MYO5B: variants seen among roughly 807,000 people sequenced by gnomAD.
The protein encoded by MYO5B is myosin VB, also known as unconventional myosin-Vb.
A neutral mutation model predicts 229.3 loss-of-function variants in MYO5B; 143 were observed. The observed-to-expected ratio is 0.62, with a 90% CI of 0.54 to 0.72. The LOEUF (loss-of-function observed/expected upper bound fraction) is 0.72, where lower values mean the gene tolerates loss of function less well. Among genes scored for constraint, MYO5B ranks in the 30% least tolerant of loss-of-function variants. MYO5B has a pLI of 0.00. For missense variants in MYO5B, 2,321 were observed against 2,331.0 expected, an observed-to-expected ratio of 1.00 and a Z score of 0.09; for synonymous variants, 918 against 885.2, an observed-to-expected ratio of 1.04 and a Z score of -0.66.
At chr18:49,885,965 G>T (rs1415374789) in intron 22 of MYO5B, among the ~76,000 whole-genome samples, 1 of 152,052 alleles carries the variant, frequency 6.6e-6, no homozygotes, top group Non-Finnish European at 1.5e-5. Context: ...TTGAGACAAG[G>T]TCTCACCCTG....
rs796115232 is a variant in MYO5B, at chr18:49,823,825, C to A, written c.*2646G>T. ...TACATTCACATTTACTATAAGTAAACAGGTCCCGTATAATACTTAAAACAC... is the reference window on the plus strand; with the variant it reads ...TACATTCACATTTACTATAAGTAAAAAGGTCCCGTATAATACTTAAAACAC... On this transcript the variant is annotated 3_prime_UTR_variant, in exon 40 of 40. Transcript: ENST00000285039. 6.6e-6 allele frequency: 1 copy of A among 151,598 alleles called. No homozygotes were observed. The highest frequency in any genetic ancestry group is 1.5e-5 in the Non-Finnish European group (1 of 67,512). The allele number at this position is 151,598 out of a possible 1,614,324, so 9.4% of individuals were successfully genotyped here.
chr18:50,085,570 T>C (rs1029959461), intron 1 of MYO5B, among the ~76,000 whole-genome samples: 2 of 152,154 alleles, frequency 1.3e-5, no homozygotes, highest in Non-Finnish European at 2.9e-5. Flanking sequence ...ACTGGGTATA[T>C]ACCCAAAGGA....
At chr18:50,081,161 T>C (rs2031210856) in intron 1 of MYO5B, among the ~76,000 whole-genome samples, 1 of 152,128 alleles carries the variant, frequency 6.6e-6, no homozygotes, top group Admixed American at 6.5e-5. Flanking sequence ...CTCCTAAGGT[T>C]GACAAAGCCT....
chr18:49,935,493 T>C (rs2025239488), intron 16 of MYO5B, among the ~76,000 whole-genome samples: 1 of 152,222 alleles, frequency 6.6e-6, no homozygotes. Flanking sequence ...GGAAATGTTA[T>C]GCCTCTTACT....
At chr18:50,033,010 T>C (rs1258470192) in intron 4 of MYO5B, among the ~76,000 whole-genome samples, 1 of 152,128 alleles carries the variant, frequency 6.6e-6, no homozygotes, top group Non-Finnish European at 1.5e-5. Flanking sequence ...GTGTTTTCAT[T>C]TCTCTTGGGT....
intron 1 of MYO5B, among the ~76,000 whole-genome samples, chr18:50,146,177 A>G (rs1175981557): frequency 6.6e-6 from 1 of 152,220 alleles, no homozygotes. Flanking sequence ...TTGATGGGCC[A>G]GGGGTCAAGA....
At chr18:50,174,348 C>T (rs990002949) in intron 1 of MYO5B, among the ~76,000 whole-genome samples, 1 of 151,528 alleles carries the variant, frequency 6.6e-6, no homozygotes, top group African/African-American at 2.4e-5. Context: ...CTCTCACTCC[C>T]ATCAGCCCCC....
intron 30 of MYO5B, among the ~76,000 whole-genome samples, chr18:49,855,706 T>G (rs2024254347): frequency 6.6e-6 from 1 of 152,330 alleles, no homozygotes; most frequent in East Asian, 1.9e-4. Context: ...AGACCCACCA[T>G]GTCACCTTGC....
intron 1 of MYO5B, 102 bp downstream of exon 1, chr18:50,194,665 C>T: frequency 1.2e-6 from 1 of 804,282 alleles, no homozygotes; most frequent in Non-Finnish European, 2.0e-6. Context: ...TCTCCCGTCA[C>T]CTCCCGCCTC....
rs572660431 is a variant in MYO5B at position 50,015,522 on chromosome 18, T to A, written c.456-14111A>T. ...ATTTGTAAAATCCCAAAAGGTGAAA[T>A]TTTTTAAGTGTTCTTTAGTATTTCA... On this transcript the variant is annotated intron_variant, in intron 4 of 39. Coordinates refer to ENST00000285039, the MANE Select transcript of MYO5B (RefSeq NM_001080467.3). Among the ~76,000 whole-genome samples, 29 of 152,272 alleles carry A rather than the reference T, an allele frequency of 1.9e-4. No individual in the cohort carries two copies. In the South Asian group the frequency reaches 5.6e-3, roughly 29 times the overall value.
intron 3 of MYO5B, 83 bp downstream of exon 3, chr18:50,040,060 G>A (rs2029963854): frequency 2.8e-6 from 4 of 1,406,706 alleles, no homozygotes; most frequent in Admixed American, 1.7e-5. Flanking sequence ...GTGAAATGAG[G>A]ACTCCTAAGC....
chr18:49,913,723 G>A (rs903284777), intron 17 of MYO5B, among the ~76,000 whole-genome samples: 2 of 152,164 alleles, frequency 1.3e-5, no homozygotes, highest in African/African-American at 4.8e-5. Context: ...TCCTGTTTTT[G>A]CAACCAAAAA....
chr18:49,851,708 C>G (rs370871886), intron 31 of MYO5B, among the ~76,000 whole-genome samples: 25 of 152,136 alleles, frequency 1.6e-4, no homozygotes, highest in African/African-American at 5.8e-4. Context: ...ACTCCAGCCT[C>G]AAGCCATTTC....
At chr18:49,836,497 A>G (rs550289012) in intron 38 of MYO5B, among the ~76,000 whole-genome samples, 57 of 152,336 alleles carry the variant, frequency 3.7e-4, no homozygotes, top group Admixed American at 3.0e-3. Flanking sequence ...GAGAGTTACT[A>G]GAAAACAGTA....
chr18:50,102,117 G>A lies in MYO5B; in HGVS notation c.28-46739C>T, dbSNP rs546342323. ...TTGCGTCCTTGGATGGTTCAAACTG[G>A]AAGCCATCATTCTCAGCACACTAAC... On this transcript the variant is annotated intron_variant, in intron 1 of 39. Coordinates refer to ENST00000285039, the MANE Select transcript of MYO5B (RefSeq NM_001080467.3). Among the ~76,000 whole-genome samples, 8 of 152,244 alleles carry A rather than the reference G, an allele frequency of 5.3e-5. No individual in the cohort carries two copies. In the South Asian group the frequency reaches 1.7e-3, roughly 32 times the overall value.
chr18:49,997,365 C>CTT (rs2026000325), intron 5 of MYO5B, among the ~76,000 whole-genome samples: 1 of 97,574 alleles, frequency 1.0e-5, no homozygotes, highest in African/African-American at 4.0e-5. Flanking sequence ...AGCCTCCTTT[C>CTT]TTTCTTTTTT....
At chr18:49,972,452 A>G (rs1401803395) in intron 10 of MYO5B, among the ~76,000 whole-genome samples, 4 of 152,184 alleles carry the variant, frequency 2.6e-5, no homozygotes, top group African/African-American at 4.8e-5. Context: ...TAGAAATACA[A>G]CAGAACTGAG....
At chr18:50,010,277 G>A (rs1318264463) in intron 4 of MYO5B, among the ~76,000 whole-genome samples, 2 of 152,176 alleles carry the variant, frequency 1.3e-5, no homozygotes, top group Non-Finnish European at 2.9e-5. Context: ...TGTGATATAG[G>A]CAGCAGCGAA....
intron 10 of MYO5B, among the ~76,000 whole-genome samples, chr18:49,964,939 C>T (rs574694560): frequency 3.3e-5 from 5 of 152,294 alleles, no homozygotes; most frequent in Admixed American, 6.5e-5. Context: ...ATGCTGGCTA[C>T]GCCAAGGGGT....
Sources: allele counts gnomAD v4.1 joint callset (sites outside exome capture counted in the v4.1 genomes callset), GRCh38; gene constraint gnomAD v4.1.1; transcripts MANE v1.5; gene names NCBI Gene and HGNC (gene_info 2026-07-23, HGNC 2026-07-21).